VDAC1: variants seen among roughly 807,000 people sequenced by gnomAD.
The protein encoded by VDAC1 is non-selective voltage-gated ion channel VDAC1.
In VDAC1, 10 loss-of-function variants were observed where a neutral mutation model predicts 34.7. The ratio of observed to expected loss-of-function variants is 0.29; its 90% CI spans 0.18 to 0.49. The LOEUF (loss-of-function observed/expected upper bound fraction) is 0.49. VDAC1 is among the 20% of genes least tolerant of loss of function. VDAC1 has a pLI of 0.99. For synonymous variants in VDAC1, 130 were observed against 136.0 expected, an observed-to-expected ratio of 0.96 and a Z score of 0.30; for missense variants, 230 against 347.9, an observed-to-expected ratio of 0.66 and a Z score of 2.69.
At chr5:134,080,618 G>C in the VDAC1 span, among the ~76,000 whole-genome samples, 5 of 152,066 alleles carry the variant, frequency 3.3e-5, no homozygotes, top group Admixed American at 2.6e-4. Context: ...TTAAGTGTTG[G>C]GGCACCAACA....
chr5:134,027,398 G>A, the VDAC1 span, among the ~76,000 whole-genome samples: 2,550 of 152,206 alleles, frequency 0.017, 26 homozygotes, highest in Non-Finnish European at 0.026. Context: ...GCGCTGTGCC[G>A]GGCCCTGGAG....
the VDAC1 span, among the ~76,000 whole-genome samples, chr5:134,019,578 T>TCAAA: frequency 1.3e-4 from 20 of 152,152 alleles, no homozygotes; most frequent in Admixed American, 4.6e-4. Context: ...AGACTCTGGC[T>TCAAA]CAAACAAACA....
intron 5 of VDAC1, among the ~76,000 whole-genome samples, chr5:133,984,777 A>T (rs1752845433): frequency 6.6e-6 from 1 of 152,058 alleles, no homozygotes; most frequent in South Asian, 2.1e-4. Context: ...CTCTACTAAA[A>T]ATACAAAAAT....
chr5:134,087,547 T>C, the VDAC1 span, among the ~76,000 whole-genome samples: 29 of 152,176 alleles, frequency 1.9e-4, no homozygotes, highest in Admixed American at 2.0e-4. Context: ...CATGTATCCA[T>C]AGTTCTTCTT....
the VDAC1 span, among the ~76,000 whole-genome samples, chr5:134,019,521 A>G: frequency 0.61 from 92,418 of 151,994 alleles, 28,446 homozygotes; most frequent in Admixed American, 0.63. Flanking sequence ...TTAAGGCTGC[A>G]GTGAGCCATG....
At chr5:134,109,780 AAAAAAAAAAAAAG>A in the VDAC1 span, among the ~76,000 whole-genome samples, 2 of 6,818 alleles carry the variant, frequency 2.9e-4, no homozygotes, top group Non-Finnish European at 1.6e-3. Context: ...CAAAAAAAAA[AAAAAAAAAAAAAG>A]AACTTAGAGG....
the VDAC1 span, among the ~76,000 whole-genome samples, chr5:134,033,930 T>TGCAGTGAGCCGAGATC: frequency 6.6e-6 from 1 of 151,576 alleles, no homozygotes; most frequent in African/African-American, 2.4e-5. Flanking sequence ...AGGCGGAGCT[T>TGCAGTGAGCCGAGATC]GCAGTGAGCC....
the VDAC1 span, among the ~76,000 whole-genome samples, chr5:134,098,338 C>A: frequency 2.8e-5 from 4 of 145,268 alleles, no homozygotes; most frequent in African/African-American, 5.7e-5. Context: ...GCTGGGATTA[C>A]AGGCACCCAC....
chr5:134,020,529 A>G, the VDAC1 span, among the ~76,000 whole-genome samples: 1 of 152,086 alleles, frequency 6.6e-6, no homozygotes, highest in Non-Finnish European at 1.5e-5. Flanking sequence ...CTTCCTCCCT[A>G]CTTGGTGTGG....
chr5:134,092,244 G>C, the VDAC1 span, among the ~76,000 whole-genome samples: 1 of 152,216 alleles, frequency 6.6e-6, no homozygotes, highest in Admixed American at 6.5e-5. Context: ...ATTCCAGACT[G>C]TGAGTAATTC....
At chr5:133,989,755 C>T (rs928690078) in intron 5 of VDAC1, among the ~76,000 whole-genome samples, 2 of 150,952 alleles carry the variant, frequency 1.3e-5, no homozygotes, top group African/African-American at 4.9e-5. Context: ...CTCTGCCTCC[C>T]AGGTTCAAGC....
the VDAC1 span, among the ~76,000 whole-genome samples, chr5:134,037,833 A>G: frequency 6.6e-6 from 1 of 152,166 alleles, no homozygotes; most frequent in Admixed American, 6.5e-5. Flanking sequence ...CCCAAAAACA[A>G]CAAAAAACCT....
chr5:133,999,240 G>A (rs1266790035), intron 1 of VDAC1, among the ~76,000 whole-genome samples: 1 of 152,242 alleles, frequency 6.6e-6, no homozygotes, highest in African/African-American at 2.4e-5. Flanking sequence ...TACTGCAATG[G>A]TTGATACAGG....
chr5:133,999,635 T>A (rs1753464872), intron 1 of VDAC1, among the ~76,000 whole-genome samples: 1 of 152,142 alleles, frequency 6.6e-6, no homozygotes. Context: ...GGGCAATGAC[T>A]ACCTTCCTCT....
At position 133,991,174 on chromosome 5, in the gene VDAC1, G is replaced by C; in HGVS notation, c.118-20C>G. 1 of 1,605,836 alleles carries C rather than the reference G, an allele frequency of 6.2e-7. No individual in the cohort carries two copies. Among genetic ancestry groups the C allele is most frequent in the East Asian group, 2.2e-5 (1 of 44,884 alleles). ...AAATTCCTTCAAAGGAGAGAGAAGA[G>C]TCACAGCCTGCACCATAGCACTCAC... On this transcript the variant is annotated intron_variant, in intron 3 of 8. Coordinates refer to ENST00000265333, the MANE Select transcript of VDAC1 (RefSeq NM_003374.3).
the VDAC1 span, among the ~76,000 whole-genome samples, chr5:134,026,332 G>A: frequency 2.0e-5 from 3 of 151,890 alleles, no homozygotes; most frequent in Non-Finnish European, 2.9e-5. Context: ...CGTCTAACAC[G>A]GTGAAACCCT....
the VDAC1 span, among the ~76,000 whole-genome samples, chr5:134,084,897 G>A: frequency 6.6e-6 from 1 of 152,300 alleles, no homozygotes; most frequent in South Asian, 2.1e-4. Flanking sequence ...GAGTCCCAGA[G>A]ATCTAAAGTA....
chr5:134,092,086 C>T, the VDAC1 span, among the ~76,000 whole-genome samples: 1 of 152,164 alleles, frequency 6.6e-6, no homozygotes, highest in African/African-American at 2.4e-5. Flanking sequence ...GTTATCAAAA[C>T]CAGATGAGGA....
At chr5:134,001,736 G>T (rs895384769) in intron 1 of VDAC1, among the ~76,000 whole-genome samples, 1 of 102,038 alleles carries the variant, frequency 9.8e-6, no homozygotes, top group East Asian at 3.1e-4. Context: ...AAAAAAAAAA[G>T]AGAGAGAGAA....
Sources: allele counts gnomAD v4.1 joint callset (sites outside exome capture counted in the v4.1 genomes callset), GRCh38; gene constraint gnomAD v4.1.1; transcripts MANE v1.5; gene names NCBI Gene and HGNC (gene_info 2026-07-23, HGNC 2026-07-21).